SENP8: variants seen among roughly 807,000 people sequenced by gnomAD.
SENP8 encodes the protein sentrin-specific protease 8.
A neutral mutation model predicts 14.4 loss-of-function variants in SENP8; 10 were observed. That is an observed-to-expected ratio of 0.69 (90% CI 0.43 to 1.18). SENP8 has a LOEUF of 1.18. Ranked by LOEUF, SENP8 falls within the 50% of genes most tolerant of loss-of-function variation. The pLI, the probability that SENP8 is intolerant of heterozygous loss-of-function variation, is 0.00. For missense variants in SENP8, 202 were observed against 249.4 expected (o/e 0.81, Z 1.28); for synonymous variants, 94 against 95.5 (o/e 0.98, Z 0.09).
rs1335080543 is a variant in SENP8 at position 72,140,445 on chromosome 15, G to A, written c.*183G>A. The A allele has an allele frequency of 2.0e-5, 12 of 592,914 alleles. No individual in the cohort carries two copies. Among genetic ancestry groups the A allele is most frequent in the African/African-American group, 3.7e-5 (2 of 53,476 alleles). 36.7% of individuals were successfully genotyped at this position (592,914 alleles called of 1,614,324 possible). A position where few individuals can be genotyped will look rare whatever the true frequency, so the allele number is the denominator to read the frequency against. Reference sequence around the variant, plus strand: ...GAACGTTTCACTTTAACCCTGACTGGGGAGCAATATGTTCTGTGAAAATAT... The same window carrying A: ...GAACGTTTCACTTTAACCCTGACTGAGGAGCAATATGTTCTGTGAAAATAT... On this transcript the variant is annotated 3_prime_UTR_variant, in exon 2 of 2. Coordinates refer to ENST00000340912, the MANE Select transcript of SENP8 (RefSeq NM_145204.4).
At chr15:72,117,999 G>A (rs2081065893), upstream of SENP8, 6 of 398,812 alleles carry the variant, frequency 1.5e-5, no homozygotes, top group Non-Finnish European at 2.6e-5. Flanking sequence ...CTCCGCCGCC[G>A]CCTCTCGCAG....
intron 1 of SENP8, among the ~76,000 whole-genome samples, chr15:72,119,635 C>G (rs890358753): frequency 3.9e-5 from 6 of 152,280 alleles, no homozygotes; most frequent in African/African-American, 1.4e-4. Flanking sequence ...GTAGTCCCAG[C>G]TACTCGGGAG....
chr15:72,118,089 A>C (rs1011912174), upstream of SENP8: 2 of 391,628 alleles, frequency 5.1e-6, no homozygotes, highest in East Asian at 3.6e-5. Context: ...CGCGCCCCCG[A>C]CCCCGCGCAC....
chr15:72,132,242 C>T (rs1379009604), intron 1 of SENP8, among the ~76,000 whole-genome samples: 12 of 151,906 alleles, frequency 7.9e-5, no homozygotes. Context: ...TCTTGCCCTT[C>T]CCCTAGTCTT....
chr15:72,131,023 C>T (rs1258273479), intron 1 of SENP8, among the ~76,000 whole-genome samples: 2 of 152,064 alleles, frequency 1.3e-5, no homozygotes, highest in African/African-American at 4.8e-5. Flanking sequence ...CAGATTCTAT[C>T]CCAGGTGTAT....
upstream of SENP8, chr15:72,114,631 G>A (rs1288184267): frequency 6.6e-6 from 1 of 152,186 alleles, no homozygotes; most frequent in Non-Finnish European, 1.5e-5. Context: ...AAAGAGGCAG[G>A]AAGAGTTTTG....
chr15:72,130,351 T>G (rs1207284830), intron 1 of SENP8, among the ~76,000 whole-genome samples: 1 of 152,174 alleles, frequency 6.6e-6, no homozygotes, highest in Non-Finnish European at 1.5e-5. Flanking sequence ...TGGCAAACTT[T>G]TTCTCTAAAA....
intron 1 of SENP8, among the ~76,000 whole-genome samples, chr15:72,133,061 C>T (rs188682706): frequency 2.6e-5 from 4 of 152,246 alleles, no homozygotes; most frequent in East Asian, 3.9e-4. Context: ...ATCCCAGCTA[C>T]GCGGGAGGCT....
upstream of SENP8, chr15:72,118,312 C>T (rs28526815): frequency 0.011 from 2,613 of 232,072 alleles, 35 homozygotes; most frequent in African/African-American, 0.02. Flanking sequence ...CACCTTACGG[C>T]AGAGCAGGGA....
intron 1 of SENP8, among the ~76,000 whole-genome samples, chr15:72,132,110 A>G (rs1449363933): frequency 6.6e-6 from 1 of 152,220 alleles, no homozygotes; most frequent in Non-Finnish European, 1.5e-5. Flanking sequence ...CTTAAATAGT[A>G]AGTGGCAAGG....
At chr15:72,138,812 A>T (rs550249386) in intron 1 of SENP8, among the ~76,000 whole-genome samples, 1 of 151,668 alleles carries the variant, frequency 6.6e-6, no homozygotes, top group East Asian at 2.0e-4. Context: ...AATACAAAAA[A>T]AAATTAGCCG....
chr15:72,139,592 T>C lies in SENP8; in HGVS notation c.-32T>C, dbSNP rs765810413. On this transcript the variant is annotated 5_prime_UTR_variant, in exon 2 of 2. Transcript: ENST00000340912. ...TGTCTTCTAGCTCTTGTTCAGCTTC[T>C]GGAATTTCTGAGCAGCCCTCGTCAG... is the stretch of plus-strand genomic sequence containing the variant. 1 of 1,584,132 alleles carries C rather than the reference T, an allele frequency of 6.3e-7. No homozygotes were observed. Among genetic ancestry groups the C allele is most frequent in the Non-Finnish European group, 8.6e-7 (1 of 1,164,078 alleles).
upstream of SENP8, among the ~76,000 whole-genome samples, chr15:72,115,086 T>C (rs1022701725): frequency 6.6e-6 from 1 of 152,212 alleles, no homozygotes; most frequent in African/African-American, 2.4e-5. Context: ...GGAAAACAAC[T>C]GTTAAAAATT....
At chr15:72,138,927 T>C (rs1454308028) in intron 1 of SENP8, among the ~76,000 whole-genome samples, 2 of 140,228 alleles carry the variant, frequency 1.4e-5, no homozygotes, top group African/African-American at 5.4e-5. Flanking sequence ...ATCGTGCCAC[T>C]GCACTCCAAT....
rs543298709 is a variant in SENP8, at chr15:72,119,363, T to G, written c.-48+899T>G. On this transcript the variant is annotated intron_variant, in intron 1 of 1. Coordinates refer to ENST00000340912, the MANE Select transcript of SENP8 (RefSeq NM_145204.4). Reference sequence around the variant, plus strand: ...GGTTGTGCCAGGTGTCATTACTGTTTTAAAGCTCCACAGGTGACTCTAATG... The same window carrying G: ...GGTTGTGCCAGGTGTCATTACTGTTGTAAAGCTCCACAGGTGACTCTAATG... Among the ~76,000 whole-genome samples the G allele has an allele frequency of 8.2e-4, 125 of 152,354 alleles. 1 individual carries two copies. Among genetic ancestry groups the G allele is most frequent in the Admixed American group, 8.2e-3 (125 of 15,302 alleles).
intron 1 of SENP8, among the ~76,000 whole-genome samples, chr15:72,119,550 C>T (rs563822563): frequency 1.3e-5 from 2 of 152,210 alleles, no homozygotes; most frequent in Admixed American, 6.5e-5. Flanking sequence ...AGATCGAGAC[C>T]ATCCAGGCCA....
At position 72,140,222 on chromosome 15, in the gene SENP8, G is replaced by A; in HGVS notation, c.599G>A (p.Gly200Glu). ...LTPAYITKKRGEWKDLITTLA... is the reference protein window; with the variant it reads ...LTPAYITKKREEWKDLITTLA... ...CCTGCATACATCACAAAGAAGAGGGGAGAATGGAAAGATCTCATTACCACA... is the reference window on the plus strand; with the variant it reads ...CCTGCATACATCACAAAGAAGAGGGAAGAATGGAAAGATCTCATTACCACA... The change falls in exon 2 of 2, where the codon GGA (glycine) becomes GAA (glutamate). Residue 200 changes from glycine (G) to glutamate (E), a missense_variant. Transcript: ENST00000340912. The A allele has an allele frequency of 6.2e-7, 1 of 1,614,044 alleles. No homozygotes were observed. The highest frequency in any genetic ancestry group is 8.5e-7 in the Non-Finnish European group (1 of 1,179,964).
At chr15:72,121,772 C>G (rs980560853) in intron 1 of SENP8, among the ~76,000 whole-genome samples, 3 of 152,106 alleles carry the variant, frequency 2.0e-5, no homozygotes, top group African/African-American at 7.2e-5. Flanking sequence ...CCTTTATTTC[C>G]ACAATGTGCT....
chr15:72,139,465 C>A lies in SENP8; in HGVS notation c.-47-112C>A, dbSNP rs2081359103. 4.7e-6 allele frequency: 5 copies of A among 1,071,520 alleles called. No individual in the cohort carries two copies. In the Admixed American group the frequency reaches 1.2e-4, roughly 25 times the overall value. 66.4% of individuals were successfully genotyped at this position (1,071,520 alleles called of 1,614,324 possible). A position where few individuals can be genotyped will look rare whatever the true frequency, so the allele number is the denominator to read the frequency against. On this transcript the variant is annotated intron_variant, in intron 1 of 1. Coordinates refer to ENST00000340912, the MANE Select transcript of SENP8 (RefSeq NM_145204.4). ...GTAGATCTGCACAGATCAAACCCAC[C>A]TTGTCCAAGGGTCAACTGTGTATTT... is the stretch of plus-strand genomic sequence containing the variant.
Sources: allele counts gnomAD v4.1 joint callset (sites outside exome capture counted in the v4.1 genomes callset), GRCh38; gene constraint gnomAD v4.1.1; transcripts MANE v1.5; gene names NCBI Gene and HGNC (gene_info 2026-07-23, HGNC 2026-07-21).